Variants in CFAP46 observed in about 807,000 individuals in gnomAD.
The protein encoded by CFAP46 is cilia and flagella associated protein 46, also known as cilia- and flagella-associated protein 46.
Under a neutral mutation model 325.7 loss-of-function variants are expected in CFAP46, and 245 were observed. The observed-to-expected ratio is 0.75, with a 90% CI of 0.68 to 0.84. The LOEUF (loss-of-function observed/expected upper bound fraction) is 0.84, where lower values mean the gene tolerates loss of function less well. Among genes scored for constraint, CFAP46 ranks in the 40% least tolerant of loss-of-function variants. CFAP46 has a pLI of 0.00. For synonymous variants in CFAP46, 1,523 were observed against 1,495.9 expected (o/e 1.02, Z -0.42); for missense variants, 3,346 against 3,543.0 (o/e 0.94, Z 1.41).
intron 19 of CFAP46, among the ~76,000 whole-genome samples, chr10:132,910,607 C>T (rs1044543496): frequency 2.6e-5 from 4 of 152,200 alleles, no homozygotes; most frequent in African/African-American, 4.8e-5. Context: ...GTCTATGGGT[C>T]GTCGTGAGGA....
intron 13 of CFAP46, 55 bp from the exon 14 acceptor site, chr10:132,920,237 C>T (rs1346374675): frequency 1.3e-5 from 19 of 1,474,946 alleles, no homozygotes; most frequent in South Asian, 5.5e-5. Context: ...GGGCCGGGGA[C>T]GTGCCCATCA....
At chr10:132,913,020 G>T (rs959449089) in intron 18 of CFAP46, 26 bp downstream of exon 18, 2 of 1,545,876 alleles carry the variant, frequency 1.3e-6, no homozygotes, top group South Asian at 1.2e-5. Flanking sequence ...CCCTCCCTGC[G>T]TGAACGCAGC....
intron 11 of CFAP46, among the ~76,000 whole-genome samples, chr10:132,923,428 G>T (rs1849759687): frequency 7.2e-6 from 1 of 138,340 alleles, no homozygotes; most frequent in Non-Finnish European, 1.6e-5. Flanking sequence ...GCCTTGAGCA[G>T]CCATGTGGGG....
Position 132,814,770 on chromosome 10 carries a change from C to T in CFAP46, c.7189-24G>A, listed in dbSNP as rs768521235. On this transcript the variant is annotated intron_variant, in intron 51 of 57. Coordinates refer to ENST00000368586, the MANE Select transcript of CFAP46 (RefSeq NM_001200049.3). ...CCCTGCAACCACAGACCAGGGTCAG[C>T]AGGTGCAGGGGCCAGGAGCCTGACC... 1.9e-6 allele frequency: 3 copies of T among 1,613,574 alleles called. No individual in the cohort carries two copies. The Admixed American group carries it at 5.0e-5, about 27-fold the overall frequency.
At position 132,919,464 on chromosome 10, in the gene CFAP46, G is replaced by T; in HGVS notation, c.1731-22C>A. 1 of 1,540,258 alleles carries T rather than the reference G, an allele frequency of 6.5e-7. No homozygotes were observed. Among genetic ancestry groups the T allele is most frequent in the South Asian group, 1.2e-5 (1 of 83,506 alleles). ...TATCCTGCTCACCGAGAACCCAAAC[G>T]AGTGAAAGGTGAGTAGACAAGTGTG... is the stretch of plus-strand genomic sequence containing the variant. On this transcript the variant is annotated intron_variant, in intron 14 of 57. Coordinates refer to ENST00000368586, the MANE Select transcript of CFAP46 (RefSeq NM_001200049.3). This position sits in a 1 kb window ranked among gnomAD's most constrained non-coding sequence, Gnocchi z 9.7.
chr10:132,845,553 C>G (rs1211771515), intron 44 of CFAP46, among the ~76,000 whole-genome samples: 2 of 152,230 alleles, frequency 1.3e-5, no homozygotes. Flanking sequence ...TGTCTGTTTC[C>G]CACAATTCAA....
At chr10:132,845,922 G>A (rs2135096894) in intron 44 of CFAP46, 135 bp downstream of exon 44, 1 of 975,826 alleles carries the variant, frequency 1.0e-6, no homozygotes, top group Non-Finnish European at 1.5e-6. Context: ...ATGGCTGGGG[G>A]CACGGGGAGG....
intron 45 of CFAP46, 118 bp downstream of exon 45, chr10:132,836,699 C>T (rs530363994): frequency 8.3e-5 from 71 of 859,132 alleles, no homozygotes; most frequent in Non-Finnish European, 1.3e-4. Flanking sequence ...GGGCGTTTCC[C>T]GAGTCCCAGG....
intron 31 of CFAP46, among the ~76,000 whole-genome samples, chr10:132,873,463 G>A (rs1353042024): frequency 3.9e-5 from 6 of 151,978 alleles, no homozygotes; most frequent in Admixed American, 2.0e-4. Flanking sequence ...CCAGGGATAC[G>A]AGCCTGGCTG....
rs1849642005 is a variant in CFAP46, at chr10:132,916,558, A to C, written c.2111T>G (p.Ile704Ser). 6.5e-7 allele frequency: 1 copy of C among 1,547,714 alleles called. No individual in the cohort carries two copies. The highest frequency in any genetic ancestry group is 8.7e-7 in the Non-Finnish European group (1 of 1,145,702). The change falls in exon 17 of 58, where the codon ATC (isoleucine) becomes AGC (serine). Residue 704 changes from isoleucine (I) to serine (S), a missense_variant. Transcript: ENST00000368586. ...PEPPEVNAEW[I>S]TYRTWIESLS... ...TGTCGCCTCTGCCCACCTGTATGTG[A>C]TCCACTCAGCATTCACCTCCGGGGG...
rs149002112 is a variant in CFAP46 at position 132,848,612 on chromosome 10, G to A, written c.5953-1291C>T. 1.0e-3 allele frequency among the ~76,000 whole-genome samples: 155 copies of A among 152,292 alleles called. No individual in the cohort carries two copies. The South Asian group carries it at 0.028, about 28-fold the overall frequency. ...CAGCTGCACAAACAAGAGAGGCTGC[G>A]CTTTGTGCTCCCTAAAGACACACCC... On this transcript the variant is annotated intron_variant, in intron 41 of 57. Coordinates refer to ENST00000368586, the MANE Select transcript of CFAP46 (RefSeq NM_001200049.3).
intron 50 of CFAP46, among the ~76,000 whole-genome samples, chr10:132,818,084 C>T (rs1048158578): frequency 2.0e-5 from 3 of 152,212 alleles, no homozygotes; most frequent in Admixed American, 1.3e-4. Flanking sequence ...CACGCGACGT[C>T]GCAGGCTCAC....
In CFAP46 at chr10:132,879,616, A is replaced by C; in HGVS notation, c.3815T>G (p.Val1272Gly). The C allele has an allele frequency of 1.3e-6, 2 of 1,533,590 alleles. No homozygotes were observed. 95.0% of individuals were successfully genotyped at this position (1,533,590 alleles called of 1,614,324 possible). ...CACGGGGCTCCGTGGGGGCATCTCC[A>C]CAGCCACGTACTCCCCTGAAACACG... ...QPTPDGEYVA[V>G]EMPPRSPVSE... Residue 1272 changes from valine to glycine, a missense_variant, in exon 29 of 58, where the codon GTG (valine) becomes GGG (glycine). By Grantham distance (109) the Val-to-Gly change is moderately radical. Transcript: ENST00000368586.
At position 132,827,735 on chromosome 10, in the gene CFAP46, C is replaced by T. The variant is rs1015007618; in HGVS notation, c.7117+5623G>A. On this transcript the variant is annotated intron_variant, in intron 50 of 57. Coordinates refer to ENST00000368586, the MANE Select transcript of CFAP46 (RefSeq NM_001200049.3). The surrounding 1 kb of genome is among the most constrained non-coding windows in gnomAD (Gnocchi z 5.7). ...AGGAGCTTCCCCAAAATGCCTGCAA[C>T]CCTCCCTCCTGCACCCACGACCCTC... is the stretch of plus-strand genomic sequence containing the variant. Among the ~76,000 whole-genome samples, 14 of 152,070 alleles carry T rather than the reference C, an allele frequency of 9.2e-5. No individual in the cohort carries two copies. Among genetic ancestry groups the T allele is most frequent in the Non-Finnish European group, 1.6e-4 (11 of 68,022 alleles).
At chr10:132,882,089 G>A (rs866122721) in intron 27 of CFAP46, among the ~76,000 whole-genome samples, 14 of 149,186 alleles carry the variant, frequency 9.4e-5, no homozygotes, top group East Asian at 2.0e-4. Context: ...TGAGTGGTGC[G>A]TGTGGGATGT....
intron 50 of CFAP46, among the ~76,000 whole-genome samples, chr10:132,826,603 C>T (rs1233413179): frequency 8.1e-6 from 1 of 123,970 alleles, no homozygotes; most frequent in Non-Finnish European, 1.7e-5. Flanking sequence ...GCCGGAGCCA[C>T]GGAGACCAGC....
At chr10:132,850,523 C>T in intron 40 of CFAP46, 91 bp from the exon 41 acceptor site, 1 of 1,290,560 alleles carries the variant, frequency 7.7e-7, no homozygotes, top group Non-Finnish European at 1.0e-6. Context: ...TCTGCTGTGC[C>T]CTGTGGGTGG....
chr10:132,814,655 T>C (rs1383489649), intron 52 of CFAP46, 31 bp downstream of exon 52: 6 of 1,584,106 alleles, frequency 3.8e-6, no homozygotes, highest in Non-Finnish European at 5.1e-6. Context: ...GGGCGGGGTC[T>C]GGGGCCCCCC....
intron 26 of CFAP46, 72 bp from the exon 27 acceptor site, chr10:132,885,358 C>G: frequency 7.2e-7 from 1 of 1,388,834 alleles, no homozygotes; most frequent in Non-Finnish European, 9.7e-7. Context: ...TGATGCAGCC[C>G]GGACTTATTC....
Sources: allele counts gnomAD v4.1 joint callset (sites outside exome capture counted in the v4.1 genomes callset), GRCh38; gene constraint gnomAD v4.1.1; non-coding constraint Gnocchi (gnomAD v3.1); transcripts MANE v1.5; gene names NCBI Gene and HGNC (gene_info 2026-07-23, HGNC 2026-07-21).